BBX: variants seen among roughly 807,000 people sequenced by gnomAD.
BBX encodes HMG box transcription factor BBX.
Under a neutral mutation model 100.2 loss-of-function variants are expected in BBX, and 30 were observed. That is an observed-to-expected ratio of 0.30 (90% CI 0.22 to 0.41). BBX has a LOEUF of 0.41. Ranked by LOEUF, BBX falls within the 10% of genes least tolerant of loss-of-function variation. The probability of loss-of-function intolerance (pLI) is 1.00; values close to 1 mark genes in which losing one functional copy is unlikely to be tolerated. For missense variants in BBX, 1,023 were observed against 1,129.8 expected (o/e 0.91, Z 1.35); for synonymous variants, 376 against 388.1 (o/e 0.97, Z 0.37).
chr3:107,588,342 G>T (rs551288941), intron 2 of BBX, among the ~76,000 whole-genome samples: 81 of 148,194 alleles, frequency 5.5e-4, no homozygotes, highest in Non-Finnish European at 8.6e-4. Context: ...AGTAAGGGGG[G>T]GCCTGGAGCA....
At chr3:107,580,520 A>G (rs2052191889) in intron 2 of BBX, among the ~76,000 whole-genome samples, 1 of 152,232 alleles carries the variant, frequency 6.6e-6, no homozygotes, top group Admixed American at 6.5e-5. Flanking sequence ...ATGTAATTAT[A>G]GTAAATTTTA....
chr3:107,542,358 G>T (rs1472656663), intron 2 of BBX, among the ~76,000 whole-genome samples: 1 of 152,128 alleles, frequency 6.6e-6, no homozygotes, highest in Non-Finnish European at 1.5e-5. Flanking sequence ...TTCATAATTT[G>T]TATTTGAGTA....
intron 6 of BBX, among the ~76,000 whole-genome samples, chr3:107,729,612 CTCTG>C (rs2063182289): frequency 1.3e-5 from 2 of 152,150 alleles, no homozygotes; most frequent in Admixed American, 1.3e-4. Context: ...TACAAGTGGG[CTCTG>C]TCTTTCTTAG....
chr3:107,766,418 C>T (rs1448646844), intron 10 of BBX, among the ~76,000 whole-genome samples: 1 of 152,100 alleles, frequency 6.6e-6, no homozygotes, highest in Non-Finnish European at 1.5e-5. Flanking sequence ...AATCTTAAGA[C>T]TATTTTTAAC....
intron 10 of BBX, among the ~76,000 whole-genome samples, chr3:107,767,693 A>G (rs1440318036): frequency 1.3e-5 from 2 of 152,210 alleles, no homozygotes; most frequent in Non-Finnish European, 2.9e-5. Context: ...ATCCACAGAA[A>G]AGAAGAAGAA....
chr3:107,641,368 A>G (rs1316157087), intron 2 of BBX, among the ~76,000 whole-genome samples: 1 of 152,210 alleles, frequency 6.6e-6, no homozygotes, highest in Non-Finnish European at 1.5e-5. Context: ...TATAGGCGTC[A>G]GCCACCAAGC....
At chr3:107,758,367 T>C (rs1000026185) in intron 10 of BBX, among the ~76,000 whole-genome samples, 2 of 152,122 alleles carry the variant, frequency 1.3e-5, no homozygotes, top group East Asian at 1.9e-4. Context: ...CTTTGGGCAT[T>C]ATAAAGATGT....
chr3:107,779,860 G>T (rs2067690131), intron 13 of BBX, among the ~76,000 whole-genome samples: 1 of 152,006 alleles, frequency 6.6e-6, no homozygotes, highest in Non-Finnish European at 1.5e-5. Context: ...AGAACTGAAA[G>T]GTTGAAGAAA....
chr3:107,742,821 A>G (rs2064223588), intron 7 of BBX, among the ~76,000 whole-genome samples: 1 of 152,230 alleles, frequency 6.6e-6, no homozygotes, highest in Non-Finnish European at 1.5e-5. Context: ...GTTTTATATA[A>G]GACCATCCAT....
intron 4 of BBX, 90 bp downstream of exon 4, chr3:107,710,712 G>A (rs1295747966): frequency 2.0e-5 from 25 of 1,264,076 alleles, no homozygotes; most frequent in Non-Finnish European, 1.1e-6. Context: ...TATTACAAAA[G>A]TGTTTCCAAA....
chr3:107,798,791 T>C (rs2070041266), intron 16 of BBX, 71 bp downstream of exon 16: 2 of 1,437,348 alleles, frequency 1.4e-6, no homozygotes, highest in Admixed American at 1.8e-5. Flanking sequence ...GGAAGAAGAA[T>C]TGTCTTGAGC....
At chr3:107,555,814 G>C (rs927453615) in intron 2 of BBX, among the ~76,000 whole-genome samples, 2 of 152,148 alleles carry the variant, frequency 1.3e-5, no homozygotes, top group African/African-American at 4.8e-5. Flanking sequence ...TAATTTCTTA[G>C]AGTCCTAAAA....
rs766935975 is a variant in BBX at position 107,716,661 on chromosome 3, G to A, written c.217G>A (p.Asp73Asn). The A allele has an allele frequency of 1.9e-6, 3 of 1,613,784 alleles. No individual in the cohort carries two copies. Among genetic ancestry groups the A allele is most frequent in the Admixed American group, 1.7e-5 (1 of 59,976 alleles). The change falls in exon 5 of 18, where the codon GAT (aspartate) becomes AAT (asparagine). Residue 73 changes from aspartate (D) to asparagine (N), a missense_variant. Physicochemically the swap from Asp to Asn is conservative, Grantham distance 23 (BLOSUM62 1). Transcript: ENST00000325805. ...LEQDVGETED[D>N]ESPEQRARRP... ...GCAAGATGTTGGTGAAACTGAAGAT[G>A]ATGAATCACCAGAGCAGCGAGCCCG...
intron 3 of BBX, among the ~76,000 whole-genome samples, chr3:107,664,843 G>A (rs1000044403): frequency 2.0e-5 from 3 of 152,162 alleles, no homozygotes; most frequent in Non-Finnish European, 2.9e-5. Flanking sequence ...AAGCTGCAGC[G>A]CTTTGATCAA....
chr3:107,803,179 AAAAAT>A (rs2070705835), intron 17 of BBX, among the ~76,000 whole-genome samples: 1 of 152,240 alleles, frequency 6.6e-6, no homozygotes, highest in Admixed American at 6.5e-5. Context: ...CAGGTATAGA[AAAAAT>A]AATGTGAGTA....
intron 2 of BBX, among the ~76,000 whole-genome samples, chr3:107,556,414 C>G (rs2050102066): frequency 6.6e-6 from 1 of 152,028 alleles, no homozygotes; most frequent in Non-Finnish European, 1.5e-5. Context: ...GAGTCAGAAC[C>G]ATTTTGCCAA....
intron 3 of BBX, among the ~76,000 whole-genome samples, chr3:107,681,252 A>G (rs920509666): frequency 6.6e-6 from 1 of 152,214 alleles, no homozygotes; most frequent in African/African-American, 2.4e-5. Flanking sequence ...TGCCTTAAGC[A>G]TATAGTAGAT....
intron 3 of BBX, among the ~76,000 whole-genome samples, chr3:107,655,918 T>G (rs1181017605): frequency 6.6e-6 from 1 of 152,080 alleles, no homozygotes; most frequent in African/African-American, 2.4e-5. Context: ...GCCAGGATGG[T>G]CTCGATCTCC....
chr3:107,691,380 C>G (rs139388980), intron 3 of BBX, among the ~76,000 whole-genome samples: 1 of 152,058 alleles, frequency 6.6e-6, no homozygotes. Flanking sequence ...CTGGTTGGAG[C>G]ACATTCATTC....
Sources: allele counts gnomAD v4.1 joint callset (sites outside exome capture counted in the v4.1 genomes callset), GRCh38; gene constraint gnomAD v4.1.1; transcripts MANE v1.5; gene names NCBI Gene and HGNC (gene_info 2026-07-23, HGNC 2026-07-21).